LOC131768270: variants seen among roughly 807,000 people sequenced by gnomAD.
chr5:140,565,668 C>T, the LOC131768270 span: 1 of 365,278 alleles, frequency 2.7e-6, no homozygotes, highest in Non-Finnish European at 4.9e-6. Flanking sequence ...GGTTCAGATC[C>T]CATCTGTCAG....
the LOC131768270 span, chr5:140,565,192 A>G: frequency 3.1e-6 from 1 of 322,116 alleles, no homozygotes; most frequent in African/African-American, 2.1e-5. Context: ...GATGTTTCCA[A>G]TCACACGGAC....
the LOC131768270 span, chr5:140,567,614 C>T: frequency 6.2e-7 from 1 of 1,614,220 alleles, no homozygotes; most frequent in South Asian, 1.1e-5. Context: ...GCTGCTGCTG[C>T]TGATGGCTGC....
chr5:140,568,206 C>A, the LOC131768270 span: 4 of 1,611,058 alleles, frequency 2.5e-6, no homozygotes, highest in African/African-American at 2.7e-5. Context: ...CCAGATCCCC[C>A]TCCCAGGCCT....
chr5:140,566,869 C>T, the LOC131768270 span: 11 of 608,732 alleles, frequency 1.8e-5, no homozygotes, highest in East Asian at 5.5e-5. Flanking sequence ...ACTTTCCTGC[C>T]ACCTTCATCC....
At chr5:140,566,020 TG>T in the LOC131768270 span, 18 of 398,794 alleles carry the variant, frequency 4.5e-5, no homozygotes, top group Non-Finnish European at 7.1e-5. Context: ...TTGCCCAACA[TG>T]CTCTTGAGAG....
the LOC131768270 span, chr5:140,568,373 C>T: frequency 5.5e-3 from 3,473 of 634,474 alleles, 16 homozygotes; most frequent in Non-Finnish European, 7.5e-3. Flanking sequence ...TACCATCCCC[C>T]ACCCCCAACC....
the LOC131768270 span, chr5:140,568,389 C>T: frequency 1.7e-6 from 1 of 601,724 alleles, no homozygotes; most frequent in African/African-American, 1.9e-5. Flanking sequence ...CAACCAAGTT[C>T]TTCCAGACTA....
chr5:140,569,029 C>G, the LOC131768270 span: 4 of 167,102 alleles, frequency 2.4e-5, no homozygotes, highest in African/African-American at 4.8e-5. Flanking sequence ...ATCAGTGTCT[C>G]TTTAACTGCA....
chr5:140,568,310 A>G, the LOC131768270 span: 3 of 1,085,576 alleles, frequency 2.8e-6, no homozygotes, highest in South Asian at 1.6e-5. Flanking sequence ...AGGTTGGTGG[A>G]TGAAGGGGTA....
At chr5:140,566,324 C>T in the LOC131768270 span, among the ~76,000 whole-genome samples, 1 of 152,142 alleles carries the variant, frequency 6.6e-6, no homozygotes. Flanking sequence ...GCATCTCTGA[C>T]CTTGTGTGGC....
chr5:140,565,926 C>T, the LOC131768270 span: 7 of 398,840 alleles, frequency 1.8e-5, no homozygotes, highest in Non-Finnish European at 2.2e-5. Flanking sequence ...AGCTGGAAAG[C>T]CTGCAGCGGC....
chr5:140,567,085 CCTGG>C, the LOC131768270 span: 3,920 of 1,599,310 alleles, frequency 2.5e-3, 9 homozygotes, highest in Non-Finnish European at 3.1e-3. Context: ...GCTTCTCCTT[CCTGG>C]GAGCTGGCTC....
chr5:140,565,230 C>G, the LOC131768270 span: 1 of 269,104 alleles, frequency 3.7e-6, no homozygotes, highest in Non-Finnish European at 6.9e-6. Flanking sequence ...TCAAACACTC[C>G]TTTGCATACA....
the LOC131768270 span, chr5:140,565,861 C>T: frequency 5.0e-6 from 2 of 398,772 alleles, no homozygotes; most frequent in African/African-American, 2.1e-5. Context: ...GCCAGCCTCT[C>T]GCTTGTCCTA....
At chr5:140,568,160 A>C in the LOC131768270 span, 1 of 1,613,142 alleles carries the variant, frequency 6.2e-7, no homozygotes, top group South Asian at 1.1e-5. Context: ...GACAACTTCC[A>C]CCCTGATTCC....
chr5:140,566,576 G>A, the LOC131768270 span: 21 of 429,268 alleles, frequency 4.9e-5, no homozygotes, highest in Non-Finnish European at 7.4e-5. Flanking sequence ...ATGGCTCGCT[G>A]TTGTCCTCCC....
the LOC131768270 span, chr5:140,568,422 C>T: frequency 2.0e-6 from 1 of 509,974 alleles, no homozygotes; most frequent in Non-Finnish European, 3.6e-6. Context: ...AACATCAATA[C>T]CTAGGCCTGA....
the LOC131768270 span, chr5:140,565,014 G>T: frequency 2.5e-6 from 1 of 398,762 alleles, no homozygotes; most frequent in Non-Finnish European, 4.4e-6. Context: ...GTGTGGAGTG[G>T]TGTGGGGAGA....
the LOC131768270 span, chr5:140,567,402 AG>A: frequency 6.2e-7 from 1 of 1,614,000 alleles, no homozygotes; most frequent in Non-Finnish European, 8.5e-7. Context: ...GCATGGCCCC[AG>A]GGGCCCCCAC....
Sources: allele counts gnomAD v4.1 joint callset (sites outside exome capture counted in the v4.1 genomes callset), GRCh38; gene constraint gnomAD v4.1.1; transcripts MANE v1.5.